PPP1R9B: variants seen among roughly 807,000 people sequenced by gnomAD.
PPP1R9B encodes neurabin-2.
PPP1R9B carries 17 observed loss-of-function variants against 75.8 expected under a neutral mutation model. The observed-to-expected ratio is 0.22, with a 90% CI of 0.15 to 0.34. The LOEUF (loss-of-function observed/expected upper bound fraction) is 0.34, where lower values mean the gene tolerates loss of function less well. Ranked by LOEUF, PPP1R9B falls within the 10% of genes least tolerant of loss-of-function variation. The pLI is 1.00. For missense variants in PPP1R9B, 875 were observed against 1,196.0 expected, an observed-to-expected ratio of 0.73 and a Z score of 3.96; for synonymous variants, 509 against 535.4, an observed-to-expected ratio of 0.95 and a Z score of 0.68.
Position 50,149,177 on chromosome 17 carries a change from C to T in PPP1R9B, c.1337G>A (p.Ser446Asn). The change falls in exon 1 of 10, where the codon AGC (serine) becomes AAC (asparagine). Residue 446 changes from serine (S) to asparagine (N), a missense_variant. Ser to Asn is a conservative substitution (Grantham distance 46). Around this residue, in one of 4 missense-constraint regions of PPP1R9B, gnomAD observed 449 missense variants for 475.0 expected, o/e 0.95. Coordinates refer to ENST00000612501, the MANE Select transcript of PPP1R9B (RefSeq NM_032595.5). The surrounding 1 kb of genome is among the most constrained non-coding windows in gnomAD (Gnocchi z 7.2). The part of the protein sequence containing the change: ...GLSEEEDPAP[S>N]RKIHFSTAPI... Reference sequence around the variant, plus strand: ...CGCCGTGCTGAAATGGATCTTCCGGCTCGGGGCTGGGTCCTCCTCCTCCGA... The same window carrying T: ...CGCCGTGCTGAAATGGATCTTCCGGTTCGGGGCTGGGTCCTCCTCCTCCGA... 9 of 1,554,798 alleles carry T rather than the reference C, an allele frequency of 5.8e-6. No individual in the cohort carries two copies. The highest frequency in any genetic ancestry group is 7.8e-6 in the Non-Finnish European group (9 of 1,150,132).
chr17:50,145,023 CCT>C (rs1912479349), intron 2 of PPP1R9B, 88 bp downstream of exon 2: 2 of 1,492,350 alleles, frequency 1.3e-6, no homozygotes, highest in East Asian at 2.4e-5. Flanking sequence ...TGTGGGAGCC[CCT>C]GAGGGCACAG....
In PPP1R9B at chr17:50,149,313, G is replaced by A. The variant is rs772761648; in HGVS notation, c.1201C>T (p.Leu401Phe). ...DLVDVSAYSG[L>F]GEDSAGSALE... ...GCACTGCCCGCAGAGTCCTCCCCGA[G>A]CCCACTGTAGGCGCTCACGTCCACC... Residue 401 changes from leucine to phenylalanine, a missense_variant, in exon 1 of 10, where the codon CTC (leucine) becomes TTC (phenylalanine). This residue lies in a region of PPP1R9B where 449 missense variants were observed against 475.0 expected (regional missense o/e 0.95). Transcript: ENST00000612501. This position sits in a 1 kb window ranked among gnomAD's most constrained non-coding sequence, Gnocchi z 7.2. The A allele has an allele frequency of 9.3e-6, 15 of 1,613,282 alleles. No individual in the cohort carries two copies. The highest frequency in any genetic ancestry group is 8.9e-5 in the East Asian group (4 of 44,826).
At chr17:50,145,910 C>G (rs1912506833) in intron 1 of PPP1R9B, 1 of 153,230 alleles carries the variant, frequency 6.5e-6, no homozygotes, top group African/African-American at 2.4e-5. Context: ...TCCCCAGGAG[C>G]CCCTCGGGTG....
chr17:50,139,708 CT>C lies in PPP1R9B; in HGVS notation c.1867-128del, dbSNP rs1372681578. On this transcript the variant is annotated intron_variant, in intron 5 of 9. Coordinates refer to ENST00000612501, the MANE Select transcript of PPP1R9B (RefSeq NM_032595.5). This position sits in a 1 kb window ranked among gnomAD's most constrained non-coding sequence, Gnocchi z 5.0. ...CCAGGAATGTGGTTCATGCCTCCCACTTCAGCCTGAGGCTGGACCAGAGACA... is the reference window on the plus strand; with the variant it reads ...CCAGGAATGTGGTTCATGCCTCCCACTCAGCCTGAGGCTGGACCAGAGACA... 2.7e-6 allele frequency: 3 copies of C among 1,109,760 alleles called. No individual in the cohort carries two copies. Among genetic ancestry groups the C allele is most frequent in the Non-Finnish European group, 3.8e-6 (3 of 784,866 alleles). 68.7% of individuals were successfully genotyped at this position (1,109,760 alleles called of 1,614,324 possible). A position where few individuals can be genotyped will look rare whatever the true frequency, so the allele number is the denominator to read the frequency against.
chr17:50,139,234 C>A lies in PPP1R9B; in HGVS notation c.2073+29G>T. The A allele has an allele frequency of 1.2e-6, 2 of 1,613,886 alleles. No individual in the cohort carries two copies. Among genetic ancestry groups the A allele is most frequent in the South Asian group, 1.1e-5 (1 of 91,078 alleles). ...GCTCCTCAACACACACATGCACGCA[C>A]GCAAAAGCACACACATACGCACCCT... On this transcript the variant is annotated intron_variant, in intron 7 of 9. Coordinates refer to ENST00000612501, the MANE Select transcript of PPP1R9B (RefSeq NM_032595.5). This position sits in a 1 kb window ranked among gnomAD's most constrained non-coding sequence, Gnocchi z 5.0.
rs1182249569 is a variant in PPP1R9B, at chr17:50,136,283, C to A, written c.2074-86G>T. The A allele has an allele frequency of 6.3e-6, 7 of 1,113,278 alleles. No individual in the cohort carries two copies. The East Asian group carries it at 1.8e-4, about 28-fold the overall frequency. 69.0% of individuals were successfully genotyped at this position (1,113,278 alleles called of 1,614,324 possible). A position where few individuals can be genotyped will look rare whatever the true frequency, so the allele number is the denominator to read the frequency against. Reference sequence around the variant, plus strand: ...CATCCTAGCACTGGGGCCAGAGTCGCCAGGGGATTCCTACCGTTGTGGAGT... The same window carrying A: ...CATCCTAGCACTGGGGCCAGAGTCGACAGGGGATTCCTACCGTTGTGGAGT... On this transcript the variant is annotated intron_variant, in intron 7 of 9. Coordinates refer to ENST00000612501, the MANE Select transcript of PPP1R9B (RefSeq NM_032595.5).
intron 1 of PPP1R9B, 108 bp from the exon 2 acceptor site, chr17:50,145,353 G>A: frequency 7.1e-7 from 1 of 1,410,260 alleles, no homozygotes; most frequent in Non-Finnish European, 9.8e-7. Context: ...GCCTCCCCAT[G>A]ATAGCCCTGA....
At chr17:50,145,873 C>T (rs532411121) in intron 1 of PPP1R9B, among the ~76,000 whole-genome samples, 5 of 152,080 alleles carry the variant, frequency 3.3e-5, no homozygotes, top group Non-Finnish European at 5.9e-5. Context: ...CCATCTCTAT[C>T]CCCGTGGAGA....
rs1368195574 is a variant in PPP1R9B at position 50,150,195 on chromosome 17, G to A, written c.319C>T (p.His107Tyr). Residue 107 changes from histidine to tyrosine, a missense_variant, in exon 1 of 10, where the codon CAC (histidine) becomes TAC (tyrosine). Physicochemically the swap from His to Tyr is moderately conservative, Grantham distance 83. This residue lies in a region of PPP1R9B where 145 missense variants were observed against 226.1 expected (regional missense o/e 0.64). Coordinates refer to ENST00000612501, the MANE Select transcript of PPP1R9B (RefSeq NM_032595.5). The surrounding 1 kb of genome is among the most constrained non-coding windows in gnomAD (Gnocchi z 8.7). ...GTGCCCAGCTTCAGCAGGGCGCTGT[G>A]GTCCACGTTCTCGTTCAGGCTGCTG... is the stretch of plus-strand genomic sequence containing the variant. ...RASSLNENVDHSALLKLGTSV... is the reference protein window; with the variant it reads ...RASSLNENVDYSALLKLGTSV... 6.8e-7 allele frequency: 1 copy of A among 1,461,920 alleles called. No individual in the cohort carries two copies. Among genetic ancestry groups the A allele is most frequent in the Non-Finnish European group, 9.0e-7 (1 of 1,107,392 alleles). The allele number at this position is 1,461,920 out of a possible 1,614,324, so 90.6% of individuals were successfully genotyped here. A position where few individuals can be genotyped will look rare whatever the true frequency, so the allele number is the denominator to read the frequency against.
intron 1 of PPP1R9B, 122 bp from the exon 2 acceptor site, chr17:50,145,367 G>A (rs1324591080): frequency 5.5e-6 from 7 of 1,264,214 alleles, no homozygotes; most frequent in Admixed American, 1.7e-5. Context: ...GCCCTGAGAT[G>A]AGGCCTCACC....
chr17:50,135,897 TGG>T, intron 8 of PPP1R9B, 69 bp downstream of exon 8: 1 of 1,225,250 alleles, frequency 8.2e-7, no homozygotes, highest in Middle Eastern at 2.7e-4. Context: ...GCTGGAGGGA[TGG>T]GGAGGGACTG....
chr17:50,147,654 G>A (rs1377667344), intron 1 of PPP1R9B, among the ~76,000 whole-genome samples: 1 of 152,162 alleles, frequency 6.6e-6, no homozygotes, highest in Non-Finnish European at 1.5e-5. Flanking sequence ...AAATTAGTGG[G>A]GGTGGGGTGG....
Position 50,136,191 on chromosome 17 carries a change from T to A in PPP1R9B, c.2080A>T (p.Ser694Cys). 1 of 1,600,174 alleles carries A rather than the reference T, an allele frequency of 6.2e-7. No individual in the cohort carries two copies. Among genetic ancestry groups the A allele is most frequent in the Non-Finnish European group, 8.5e-7 (1 of 1,179,636 alleles). ...CAGCGCCCCTTCTCCTGCTCCAGGC[T>A]CTGCAGCTGAGAGAGAAAGGCACGG... ...EIQQLKRKLQ[S>C]LEQEKGRWRV... The change falls in exon 8 of 10, where the codon AGC becomes TGC. Residue 694 changes from serine to cysteine, a missense_variant. Transcript: ENST00000612501.
At position 50,136,076 on chromosome 17, in the gene PPP1R9B, C is replaced by T; in HGVS notation, c.2195G>A (p.Ser732Asn). 6.2e-7 allele frequency: 1 copy of T among 1,612,638 alleles called. No homozygotes were observed. The highest frequency in any genetic ancestry group is 1.1e-5 in the South Asian group (1 of 91,048). The stretch of plus-strand genomic sequence containing the variant: ...GTGCTCGTCCACAGCCTGGCACAGG[C>T]TCTGGGCCTCACCCCAGTAGCCTTC... ...KLEGYWGEAQ[S>N]LCQAVDEHLR... Residue 732 changes from serine to asparagine, a missense_variant, in exon 8 of 10, where the codon AGC (serine) becomes AAC (asparagine). By Grantham distance (46) the Ser-to-Asn change is conservative. Transcript: ENST00000612501.
rs1187605833 is a variant in PPP1R9B at position 50,145,898 on chromosome 17, C to T, written c.1372-653G>A. On this transcript the variant is annotated intron_variant, in intron 1 of 9. Coordinates refer to ENST00000612501, the MANE Select transcript of PPP1R9B (RefSeq NM_032595.5). ...CCCCGTGGAGAAGAGGCAGGCCCTC[C>T]ATCCCCAGGAGCCCCTCGGGTGGCA... 2.0e-5 allele frequency: 3 copies of T among 153,234 alleles called. No individual in the cohort carries two copies. In the East Asian group the frequency reaches 5.8e-4, roughly 30 times the overall value. 9.5% of individuals were successfully genotyped at this position (153,234 alleles called of 1,614,324 possible). A position where few individuals can be genotyped will look rare whatever the true frequency, so the allele number is the denominator to read the frequency against.
In PPP1R9B at chr17:50,150,677, T is replaced by G. The variant is rs895065425; in HGVS notation, c.-164A>C. 4.2e-5 allele frequency: 27 copies of G among 643,144 alleles called. No homozygotes were observed. Among genetic ancestry groups the G allele is most frequent in the Middle Eastern group, 4.9e-4 (1 of 2,050 alleles). 39.8% of individuals were successfully genotyped at this position (643,144 alleles called of 1,614,324 possible). ...GCTGCCAAAAACAGTTAATCCCGCT[T>G]TAAAAAAAAAAATGAAAAAAAAAAA... On this transcript the variant is annotated 5_prime_UTR_variant, in exon 1 of 10. Coordinates refer to ENST00000612501, the MANE Select transcript of PPP1R9B (RefSeq NM_032595.5). This position sits in a 1 kb window ranked among gnomAD's most constrained non-coding sequence, Gnocchi z 8.7.
rs376848469 is a variant in PPP1R9B, at chr17:50,139,560, C to T, written c.1888G>A (p.Glu630Lys). ...DEETGEYATDEDEELSPTFPG... is the reference protein window; with the variant it reads ...DEETGEYATDKDEELSPTFPG... ...AACGTGGGGCTCAGCTCCTCATCCT[C>T]GTCAGTGGCATACTCTCCCGTCTGC... is the stretch of plus-strand genomic sequence containing the variant. The change falls in exon 6 of 10, where the codon GAG (glutamate) becomes AAG (lysine). Residue 630 changes from glutamate to lysine, a missense_variant. By Grantham distance (56) the Glu-to-Lys change is moderately conservative. This residue lies in a region of PPP1R9B where 218 missense variants were observed against 334.6 expected (regional missense o/e 0.65). Coordinates refer to ENST00000612501, the MANE Select transcript of PPP1R9B (RefSeq NM_032595.5). The surrounding 1 kb of genome is among the most constrained non-coding windows in gnomAD (Gnocchi z 5.0). 6.4e-6 allele frequency: 10 copies of T among 1,572,084 alleles called. No homozygotes were observed. Among genetic ancestry groups the T allele is most frequent in the Non-Finnish European group, 7.8e-6 (9 of 1,158,778 alleles).
chr17:50,147,633 G>A (rs1040582342), intron 1 of PPP1R9B, among the ~76,000 whole-genome samples: 10 of 152,064 alleles, frequency 6.6e-5, no homozygotes, highest in African/African-American at 4.8e-5. Context: ...GAGGGAATCG[G>A]ACTTCTCGCA....
rs1252430817 is a variant in PPP1R9B at position 50,134,302 on chromosome 17, C to T, written c.*1029G>A. The T allele has an allele frequency of 1.3e-5, 2 of 152,652 alleles. No homozygotes were observed. The highest frequency in any genetic ancestry group is 2.9e-5 in the Non-Finnish European group (2 of 68,026). The allele number at this position is 152,652 out of a possible 1,614,324, so 9.5% of individuals were successfully genotyped here. ...AGATGAGTAGTAGTAAAATTTTGCC[C>T]TCCAGTCAAAACATTGGAAAACCAG... On this transcript the variant is annotated 3_prime_UTR_variant, in exon 10 of 10. Coordinates refer to ENST00000612501, the MANE Select transcript of PPP1R9B (RefSeq NM_032595.5).
Sources: allele counts gnomAD v4.1 joint callset (sites outside exome capture counted in the v4.1 genomes callset), GRCh38; gene constraint gnomAD v4.1.1; regional missense constraint gnomAD v4.1.1; non-coding constraint Gnocchi (gnomAD v3.1); transcripts MANE v1.5; gene names NCBI Gene and HGNC (gene_info 2026-07-23, HGNC 2026-07-21).